CFAP20DC: variants seen among roughly 807,000 people sequenced by gnomAD.
CFAP20DC encodes the protein protein CFAP20DC.
A neutral mutation model predicts 101.7 loss-of-function variants in CFAP20DC; 84 were observed. That is an observed-to-expected ratio of 0.83 (90% confidence interval 0.69 to 0.99). CFAP20DC has a LOEUF of 0.99. CFAP20DC is among the 50% of genes least tolerant of loss of function. The probability of loss-of-function intolerance (pLI) is 0.00; values close to 1 mark genes in which losing one functional copy is unlikely to be tolerated. For missense variants in CFAP20DC, 1,007 were observed against 970.3 expected (o/e 1.04, Z -0.50); for synonymous variants, 359 against 351.2 (o/e 1.02, Z -0.25).
chr3:58,720,612 T>G (rs1575511249), intron 3 of CFAP20DC, among the ~76,000 whole-genome samples: 1 of 152,228 alleles, frequency 6.6e-6, no homozygotes, highest in African/African-American at 2.4e-5. Context: ...ATTTCAAAGC[T>G]GGTGCTTTGA....
At chr3:58,805,175 A>T (rs2073968579) in intron 15 of CFAP20DC, among the ~76,000 whole-genome samples, 1 of 152,226 alleles carries the variant, frequency 6.6e-6, no homozygotes, top group East Asian at 1.9e-4. Context: ...GTTCAGACGT[A>T]GTCTGTTAGC....
rs1297849038 is a variant in CFAP20DC, at chr3:58,799,027, C to T, written c.2237+7368G>A. ...TTTGCTTTACTGTGGTGGTCTGAAA[C>T]TCAACCTACAATATCTCTGAGGTAC... On this transcript the variant is annotated intron_variant, in intron 15 of 16. Coordinates refer to ENST00000482387, the MANE Select transcript of CFAP20DC (RefSeq NM_001394063.1). The surrounding 1 kb of genome is among the most constrained non-coding windows in gnomAD (Gnocchi z 4.9). 1.3e-5 allele frequency among the ~76,000 whole-genome samples: 2 copies of T among 152,214 alleles called. No individual in the cohort carries two copies. Among genetic ancestry groups the T allele is most frequent in the Admixed American group, 6.5e-5 (1 of 15,290 alleles).
At chr3:58,842,945 T>G (rs1355749402) in intron 13 of CFAP20DC, among the ~76,000 whole-genome samples, 1 of 152,168 alleles carries the variant, frequency 6.6e-6, no homozygotes, top group Non-Finnish European at 1.5e-5. Context: ...GACCTGCAGC[T>G]GAGGGTCCTG....
chr3:59,019,807 T>C (rs560203649), intron 4 of CFAP20DC, among the ~76,000 whole-genome samples: 6 of 152,220 alleles, frequency 3.9e-5, no homozygotes, highest in Non-Finnish European at 8.8e-5. Context: ...AGTTTGGGGA[T>C]AGCTAAGGGT....
chr3:58,990,924 A>T (rs185451258), intron 4 of CFAP20DC, among the ~76,000 whole-genome samples: 163 of 152,196 alleles, frequency 1.1e-3, no homozygotes, highest in Non-Finnish European at 1.9e-3. Context: ...TTTTTTAAAA[A>T]CCTGCTTTTC....
At chr3:58,945,432 A>G (rs563310499) in intron 4 of CFAP20DC, among the ~76,000 whole-genome samples, 9 of 152,244 alleles carry the variant, frequency 5.9e-5, no homozygotes, top group African/African-American at 2.2e-4. Flanking sequence ...TCTTCTTTCC[A>G]TCCACAAATC....
chr3:58,818,967 A>G (rs1247750770), intron 14 of CFAP20DC, among the ~76,000 whole-genome samples: 4 of 150,700 alleles, frequency 2.7e-5, no homozygotes, highest in South Asian at 4.3e-4. Context: ...CAATCAAACT[A>G]GAACTCAGGA....
intron 4 of CFAP20DC, among the ~76,000 whole-genome samples, chr3:58,997,877 G>C (rs1447759147): frequency 1.3e-5 from 2 of 152,072 alleles, no homozygotes; most frequent in Non-Finnish European, 2.9e-5. Context: ...TCTGCCTTGG[G>C]GAGTGGGTAT....
rs547174803 is a variant in CFAP20DC at position 59,029,952 on chromosome 3, G to A, written c.278+9605C>T. ...TAATTCCTCAAGCAGAGCTGTTGCT[G>A]GTTATCAAGCCCCAACTACCCCATA... On this transcript the variant is annotated intron_variant, in intron 4 of 16. Coordinates refer to ENST00000482387, the MANE Select transcript of CFAP20DC (RefSeq NM_001394063.1). Among the ~76,000 whole-genome samples the A allele has an allele frequency of 2.0e-5, 3 of 152,290 alleles. No homozygotes were observed. In the East Asian group the frequency reaches 5.8e-4, roughly 29 times the overall value.
Position 58,891,275 on chromosome 3 carries a change from G to A in CFAP20DC, c.551-6566C>T, listed in dbSNP as rs934001236. 2.8e-3 allele frequency among the ~76,000 whole-genome samples: 423 copies of A among 151,492 alleles called. 1 individual carries two copies. Among genetic ancestry groups the A allele is most frequent in the African/African-American group, 9.5e-3 (393 of 41,528 alleles). Reference sequence around the variant, plus strand: ...CCGTCTCCACCAAAACCAGTCAGGCGTGGCGGCGCGTGCCTGCAATGGCAG... The same window carrying A: ...CCGTCTCCACCAAAACCAGTCAGGCATGGCGGCGCGTGCCTGCAATGGCAG... On this transcript the variant is annotated intron_variant, in intron 6 of 16. Coordinates refer to ENST00000482387, the MANE Select transcript of CFAP20DC (RefSeq NM_001394063.1).
rs1398166443 is a variant in CFAP20DC at position 59,006,974 on chromosome 3, AC to A, written c.278+32582del. Among the ~76,000 whole-genome samples, 1 of 152,200 alleles carries A rather than the reference AC, an allele frequency of 6.6e-6. No homozygotes were observed. Among genetic ancestry groups the A allele is most frequent in the Non-Finnish European group, 1.5e-5 (1 of 68,032 alleles). On this transcript the variant is annotated intron_variant, in intron 4 of 16. Transcript: ENST00000482387. The surrounding 1 kb of genome is among the most constrained non-coding windows in gnomAD (Gnocchi z 4.3). ...AGGTCTGAGTTTTGTGAGCAGGCTA[AC>A]TGGAGCTAAACTCAGTGCTGTTAGT...
At chr3:58,898,699 A>C (rs563263419) in intron 6 of CFAP20DC, among the ~76,000 whole-genome samples, 1 of 152,132 alleles carries the variant, frequency 6.6e-6, no homozygotes, top group Non-Finnish European at 1.5e-5. Context: ...TAGTCATCTC[A>C]GTCTCAGTCC....
At chr3:58,865,636 C>A (rs1046111658) in intron 11 of CFAP20DC, among the ~76,000 whole-genome samples, 2 of 152,196 alleles carry the variant, frequency 1.3e-5, no homozygotes, top group Non-Finnish European at 2.9e-5. Flanking sequence ...GTGCTGGGTA[C>A]ATGACAGTGC....
Position 58,897,560 on chromosome 3 carries a change from G to A in CFAP20DC, c.551-12851C>T, listed in dbSNP as rs1306924055. Among the ~76,000 whole-genome samples, 2 of 152,208 alleles carry A rather than the reference G, an allele frequency of 1.3e-5. No homozygotes were observed. Among genetic ancestry groups the A allele is most frequent in the Non-Finnish European group, 2.9e-5 (2 of 68,042 alleles). ...TTTAGTGCTTCCTTCAGAAGTGCTT[G>A]CAAGGCAAGCCTCGTGGTGATGAGT... On this transcript the variant is annotated intron_variant, in intron 6 of 16. Transcript: ENST00000482387. This position sits in a 1 kb window ranked among gnomAD's most constrained non-coding sequence, Gnocchi z 4.4.
At chr3:58,948,789 T>A (rs1024179890) in intron 4 of CFAP20DC, among the ~76,000 whole-genome samples, 1 of 152,242 alleles carries the variant, frequency 6.6e-6, no homozygotes, top group Non-Finnish European at 1.5e-5. Context: ...GGTATCAGGA[T>A]GATGCTGGCC....
At chr3:58,981,755 T>C (rs1424149754) in intron 4 of CFAP20DC, among the ~76,000 whole-genome samples, 3 of 152,162 alleles carry the variant, frequency 2.0e-5, no homozygotes, top group Non-Finnish European at 2.9e-5. Context: ...ATAAAAACCC[T>C]AGAAGAAAAC....
intron 15 of CFAP20DC, among the ~76,000 whole-genome samples, chr3:58,783,867 T>C (rs2072068770): frequency 6.6e-6 from 1 of 152,058 alleles, no homozygotes; most frequent in South Asian, 2.1e-4. Flanking sequence ...TCAACTTTTA[T>C]TTTAGATTCA....
chr3:58,943,818 G>A (rs1223716121), intron 4 of CFAP20DC, among the ~76,000 whole-genome samples: 1 of 152,054 alleles, frequency 6.6e-6, no homozygotes, highest in Non-Finnish European at 1.5e-5. Context: ...AGGTAGCTAA[G>A]AACCTTAAAA....
intron 15 of CFAP20DC, among the ~76,000 whole-genome samples, chr3:58,777,561 G>A (rs1301152693): frequency 2.6e-5 from 4 of 152,154 alleles, no homozygotes; most frequent in African/African-American, 9.7e-5. Flanking sequence ...GATATCTATG[G>A]AATATATTTT....
Sources: gnomAD v4.1 joint callset for allele counts (sites outside exome capture counted in the v4.1 genomes callset) on GRCh38, gnomAD v4.1.1 for gene constraint, Gnocchi (gnomAD v3.1) non-coding constraint, MANE v1.5 for transcripts, NCBI Gene and HGNC (gene_info 2026-07-23, HGNC 2026-07-21) for gene names.